TBX15: variants seen among roughly 807,000 people sequenced by gnomAD.
TBX15 encodes the protein T-box transcription factor 15, also known as T-box transcription factor TBX15.
TBX15 carries 18 observed loss-of-function variants against 53.9 expected under a neutral mutation model. The observed-to-expected ratio is 0.33, with a 90% CI of 0.23 to 0.49. The LOEUF (loss-of-function observed/expected upper bound fraction) is 0.49, where lower values mean the gene tolerates loss of function less well. TBX15 is among the 20% of genes least tolerant of loss of function. The pLI is 0.98. For synonymous variants in TBX15, 295 were observed against 278.0 expected, an observed-to-expected ratio of 1.06 and a Z score of -0.61; for missense variants, 692 against 749.5, an observed-to-expected ratio of 0.92 and a Z score of 0.90.
intron 1 of TBX15, among the ~76,000 whole-genome samples, chr1:118,978,466 A>G (rs1330341554): frequency 6.6e-6 from 1 of 152,206 alleles, no homozygotes; most frequent in Non-Finnish European, 1.5e-5. Flanking sequence ...CACTTCACAA[A>G]TGAGGCACTG....
intron 1 of TBX15, among the ~76,000 whole-genome samples, chr1:118,949,687 T>C (rs765524723): frequency 6.6e-5 from 10 of 152,222 alleles, no homozygotes; most frequent in Non-Finnish European, 1.3e-4. Context: ...GCCTCTTAGC[T>C]GAGGCCCTTG....
chr1:118,956,156 C>T (rs1019232266), intron 1 of TBX15, among the ~76,000 whole-genome samples: 1 of 152,274 alleles, frequency 6.6e-6, no homozygotes, highest in South Asian at 2.1e-4. Flanking sequence ...CTTGGACTTC[C>T]CAGCCTTCAG....
chr1:118,894,040 C>T (rs2101478348), intron 7 of TBX15, among the ~76,000 whole-genome samples: 1 of 152,260 alleles, frequency 6.6e-6, no homozygotes, highest in Admixed American at 6.5e-5. Context: ...CCAAGGAAGT[C>T]ATATTTAAGC....
chr1:118,978,030 G>GA (rs1198031780), intron 1 of TBX15, among the ~76,000 whole-genome samples: 1 of 152,154 alleles, frequency 6.6e-6, no homozygotes, highest in African/African-American at 2.4e-5. Context: ...GAATGGCACA[G>GA]AAAATGTTCA....
chr1:118,890,936 C>T (rs749911608), intron 7 of TBX15: 79 of 1,304,066 alleles, frequency 6.1e-5, no homozygotes, highest in Non-Finnish European at 8.0e-5. Context: ...TGCTGATTCA[C>T]TGTGTATCCT....
At chr1:118,962,241 A>G (rs545846544) in intron 1 of TBX15, among the ~76,000 whole-genome samples, 60 of 152,296 alleles carry the variant, frequency 3.9e-4, no homozygotes, top group African/African-American at 1.4e-3. Context: ...TGAGCTTACA[A>G]TTTGTTCCAA....
chr1:118,889,008 C>T (rs951586365), intron 7 of TBX15, among the ~76,000 whole-genome samples: 4 of 152,112 alleles, frequency 2.6e-5, no homozygotes, highest in African/African-American at 9.7e-5. Flanking sequence ...TTGTAGTCAG[C>T]TTGCTTGGGC....
intron 6 of TBX15, chr1:118,901,511 G>A: frequency 2.3e-6 from 1 of 434,874 alleles, no homozygotes; most frequent in Admixed American, 2.6e-5. Context: ...AGAAGACTGT[G>A]ACAAAAGTGT....
At chr1:118,912,863 G>A (rs1422739199) in intron 6 of TBX15, among the ~76,000 whole-genome samples, 1 of 152,180 alleles carries the variant, frequency 6.6e-6, no homozygotes, top group Admixed American at 6.5e-5. Flanking sequence ...CCACTAACAA[G>A]TAGTTGCTTG....
chr1:118,944,293 G>A (rs920973346), intron 1 of TBX15, among the ~76,000 whole-genome samples: 2 of 152,102 alleles, frequency 1.3e-5, no homozygotes, highest in African/African-American at 2.4e-5. Context: ...AAGGAGGGTG[G>A]GGTGAGGTAA....
intron 5 of TBX15, among the ~76,000 whole-genome samples, chr1:118,922,036 G>A (rs554036507): frequency 6.6e-6 from 1 of 152,148 alleles, no homozygotes; most frequent in East Asian, 1.9e-4. Context: ...GGAAAGACCC[G>A]AGGTTATTTT....
intron 1 of TBX15, among the ~76,000 whole-genome samples, chr1:118,953,601 T>C (rs1656587325): frequency 6.6e-6 from 1 of 152,252 alleles, no homozygotes. Flanking sequence ...AGAAGGGCCA[T>C]GTGCCTATAA....
chr1:118,971,859 C>T (rs956397938), intron 1 of TBX15, among the ~76,000 whole-genome samples: 6 of 152,186 alleles, frequency 3.9e-5, no homozygotes, highest in Non-Finnish European at 8.8e-5. Context: ...GGTGTGCATC[C>T]TGCCAAGAAA....
chr1:118,884,775 G>T lies in TBX15; in HGVS notation c.1766C>A (p.Ala589Glu). 1 of 1,614,094 alleles carries T rather than the reference G, an allele frequency of 6.2e-7. No individual in the cohort carries two copies. The highest frequency in any genetic ancestry group is 8.5e-7 in the Non-Finnish European group (1 of 1,180,006). Residue 589 changes from alanine to glutamate, a missense_variant, in exon 8 of 8, where the codon GCA becomes GAA. This residue lies in a region of TBX15 where 375 missense variants were observed against 371.6 expected (regional missense o/e 1.01). Transcript: ENST00000369429. ...TNTCDGRQYG[A>E]VPGSSSQMSV... ...CATCTGGGAGGAGGAGCCTGGAACT[G>T]CCCCATACTGCCGGCCATCACAAGT...
intron 1 of TBX15, among the ~76,000 whole-genome samples, chr1:118,964,345 G>A (rs908395223): frequency 1.3e-5 from 2 of 152,166 alleles, no homozygotes; most frequent in African/African-American, 4.8e-5. Context: ...CATAGCCCTG[G>A]TTATGTAATA....
chr1:118,890,971 A>C, intron 7 of TBX15: 1 of 1,302,182 alleles, frequency 7.7e-7, no homozygotes, highest in South Asian at 1.2e-5. Flanking sequence ...TGAGGCTTTC[A>C]AACAGGTAAA....
chr1:118,945,790 G>A (rs553027418), intron 1 of TBX15, among the ~76,000 whole-genome samples: 2 of 152,264 alleles, frequency 1.3e-5, no homozygotes, highest in African/African-American at 4.8e-5. Flanking sequence ...GTTTAAAGAT[G>A]GCATTTTGAC....
intron 5 of TBX15, among the ~76,000 whole-genome samples, chr1:118,916,144 C>T (rs1442326326): frequency 6.6e-6 from 1 of 152,160 alleles, no homozygotes; most frequent in East Asian, 1.9e-4. Flanking sequence ...AGCTGTGTGT[C>T]ATCCATTTTT....
intron 1 of TBX15, among the ~76,000 whole-genome samples, chr1:118,941,894 C>A (rs1286793126): frequency 6.6e-6 from 1 of 152,184 alleles, no homozygotes; most frequent in Non-Finnish European, 1.5e-5. Context: ...CACTTAACTT[C>A]TTAAGCCTTT....
Sources: allele counts gnomAD v4.1 joint callset (sites outside exome capture counted in the v4.1 genomes callset), GRCh38; gene constraint gnomAD v4.1.1; regional missense constraint gnomAD v4.1.1; transcripts MANE v1.5; gene names NCBI Gene and HGNC (gene_info 2026-07-23, HGNC 2026-07-21).